CTNND2: variants seen among roughly 807,000 people sequenced by gnomAD.
CTNND2 encodes catenin delta 2.
A neutral mutation model predicts 144.4 loss-of-function variants in CTNND2; 22 were observed. That is an observed-to-expected ratio of 0.15 (90% CI 0.11 to 0.22). CTNND2 has a LOEUF of 0.22. Among genes scored for constraint, CTNND2 ranks in the 10% least tolerant of loss-of-function variants. The pLI is 1.00. For missense variants in CTNND2, 1,353 were observed against 1,618.8 expected, an observed-to-expected ratio of 0.84 and a Z score of 2.82; for synonymous variants, 751 against 695.6, an observed-to-expected ratio of 1.08 and a Z score of -1.25.
chr5:11,327,813 T>G (rs1236126429), intron 9 of CTNND2, among the ~76,000 whole-genome samples: 3 of 152,180 alleles, frequency 2.0e-5, no homozygotes, highest in African/African-American at 7.2e-5. Flanking sequence ...TCTGATGTAG[T>G]AAATGTGAGG....
chr5:11,697,237 C>T (rs1410960560), intron 2 of CTNND2, among the ~76,000 whole-genome samples: 1 of 152,060 alleles, frequency 6.6e-6, no homozygotes, highest in Non-Finnish European at 1.5e-5. Flanking sequence ...GCAAGCTGCC[C>T]CTGATTCTAA....
intron 9 of CTNND2, among the ~76,000 whole-genome samples, chr5:11,239,204 G>T (rs7722484): frequency 0.087 from 13,181 of 152,334 alleles, 771 homozygotes; most frequent in South Asian, 0.15. Flanking sequence ...CACGGCATAT[G>T]CCAAGTGCAC....
chr5:11,301,939 C>A (rs775472237), intron 9 of CTNND2, among the ~76,000 whole-genome samples: 8 of 152,024 alleles, frequency 5.3e-5, no homozygotes, highest in Non-Finnish European at 7.4e-5. Context: ...CTTTCTCGGA[C>A]TGAGTTGTGT....
chr5:11,592,891 G>A (rs1477442002), intron 2 of CTNND2, among the ~76,000 whole-genome samples: 1 of 151,334 alleles, frequency 6.6e-6, no homozygotes, highest in Non-Finnish European at 1.5e-5. Flanking sequence ...TAAAGATTGT[G>A]TGGTATCCAC....
At chr5:11,265,837 G>A (rs1206842735) in intron 9 of CTNND2, among the ~76,000 whole-genome samples, 1 of 149,148 alleles carries the variant, frequency 6.7e-6, no homozygotes, top group Non-Finnish European at 1.5e-5. Context: ...TCAGCCTCCC[G>A]AGTAGATGGG....
chr5:11,191,824 G>C (rs530370786), intron 11 of CTNND2, among the ~76,000 whole-genome samples: 1 of 152,184 alleles, frequency 6.6e-6, no homozygotes, highest in Admixed American at 6.5e-5. Flanking sequence ...TGCAGCCAGC[G>C]AGAGGCAAAA....
At chr5:11,896,904 C>T (rs529813547) in intron 1 of CTNND2, among the ~76,000 whole-genome samples, 10 of 152,210 alleles carry the variant, frequency 6.6e-5, no homozygotes, top group African/African-American at 1.9e-4. Context: ...TATCTATGCA[C>T]CTGCTATGAA....
intron 5 of CTNND2, among the ~76,000 whole-genome samples, chr5:11,399,731 A>G (rs1184854923): frequency 6.6e-6 from 1 of 152,246 alleles, no homozygotes; most frequent in Non-Finnish European, 1.5e-5. Flanking sequence ...CTCTATTCAT[A>G]CATCTCAAGC....
intron 1 of CTNND2, among the ~76,000 whole-genome samples, chr5:11,757,069 G>C (rs1202214638): frequency 6.6e-6 from 1 of 150,552 alleles, no homozygotes; most frequent in Admixed American, 6.6e-5. Flanking sequence ...ACAAATTTCT[G>C]AGCAGTCATA....
At chr5:11,614,671 T>G (rs1460253521) in intron 2 of CTNND2, among the ~76,000 whole-genome samples, 3 of 152,214 alleles carry the variant, frequency 2.0e-5, no homozygotes, top group African/African-American at 7.2e-5. Context: ...ATTGTGGGTA[T>G]AGTCACATGA....
At position 11,601,092 on chromosome 5, in the gene CTNND2, T is replaced by C. The variant is rs1272673571; in HGVS notation, c.175-36036A>G. On this transcript the variant is annotated intron_variant, in intron 2 of 21. Transcript: ENST00000304623. The stretch of plus-strand genomic sequence containing the variant: ...ATATAGATGTAGAAATATCTTAGAA[T>C]GCCATATCTCTGAATGTATAACTAA... Among the ~76,000 whole-genome samples the C allele has an allele frequency of 3.3e-5, 5 of 152,300 alleles. No homozygotes were observed. In the East Asian group the frequency reaches 9.7e-4, roughly 29 times the overall value.
chr5:11,509,427 A>C (rs1028824894), intron 3 of CTNND2, among the ~76,000 whole-genome samples: 12 of 151,960 alleles, frequency 7.9e-5, no homozygotes, highest in African/African-American at 2.9e-4. Context: ...ACAGCTTTAT[A>C]TTTCCCATTT....
At chr5:11,810,788 T>C (rs1017415939) in intron 1 of CTNND2, among the ~76,000 whole-genome samples, 2 of 152,204 alleles carry the variant, frequency 1.3e-5, no homozygotes, top group Non-Finnish European at 2.9e-5. Flanking sequence ...TTACGCATTG[T>C]CATACTACTT....
chr5:11,384,085 G>C lies in CTNND2; in HGVS notation c.1177+580C>G, dbSNP rs1758796022. On this transcript the variant is annotated intron_variant, in intron 7 of 21. Transcript: ENST00000304623. The surrounding 1 kb of genome is among the most constrained non-coding windows in gnomAD (Gnocchi z 5.2). ...CCCAAGTACATCCAATGACAGGTAT[G>C]GGAGAGTCCTTTAGTTTTCCCAATA... Among the ~76,000 whole-genome samples, 1 of 152,152 alleles carries C rather than the reference G, an allele frequency of 6.6e-6. No homozygotes were observed. Among genetic ancestry groups the C allele is most frequent in the African/African-American group, 2.4e-5 (1 of 41,412 alleles).
chr5:11,396,196 C>T (rs1365275941), intron 6 of CTNND2, among the ~76,000 whole-genome samples: 1 of 152,128 alleles, frequency 6.6e-6, no homozygotes, highest in African/African-American at 2.4e-5. Context: ...AGCAAAAACA[C>T]AGAGGTTAGA....
At chr5:11,749,805 G>T (rs1432591066) in intron 1 of CTNND2, among the ~76,000 whole-genome samples, 2 of 151,850 alleles carry the variant, frequency 1.3e-5, no homozygotes, top group Admixed American at 6.6e-5. Context: ...TGATAATGAG[G>T]ATATACAATG....
At chr5:11,381,175 C>T (rs894012487) in intron 7 of CTNND2, among the ~76,000 whole-genome samples, 2 of 152,220 alleles carry the variant, frequency 1.3e-5, no homozygotes, top group Admixed American at 1.3e-4. Context: ...ATGCTTCCAT[C>T]TTAACCCAAA....
intron 2 of CTNND2, among the ~76,000 whole-genome samples, chr5:11,641,673 TG>T (rs1782022791): frequency 7.7e-6 from 1 of 130,062 alleles, no homozygotes; most frequent in African/African-American, 3.1e-5. Context: ...CATATACGTG[TG>T]TATATACATA....
In CTNND2 at chr5:11,184,491, G is replaced by C. The variant is rs532022464; in HGVS notation, c.1975+14957C>G. 1.6e-4 allele frequency among the ~76,000 whole-genome samples: 24 copies of C among 152,248 alleles called. No homozygotes were observed. In the South Asian group the frequency reaches 2.9e-3, roughly 18 times the overall value. On this transcript the variant is annotated intron_variant, in intron 11 of 21. Coordinates refer to ENST00000304623, the MANE Select transcript of CTNND2 (RefSeq NM_001332.4). The stretch of plus-strand genomic sequence containing the variant: ...GAAAGCCAAATACTATGTAGGGCAA[G>C]CAGCTCTTTTAACTAATATGTATCA...
Sources: allele counts gnomAD v4.1 joint callset (sites outside exome capture counted in the v4.1 genomes callset), GRCh38; gene constraint gnomAD v4.1.1; non-coding constraint Gnocchi (gnomAD v3.1); transcripts MANE v1.5; gene names NCBI Gene and HGNC (gene_info 2026-07-23, HGNC 2026-07-21).